Variants in WDR72 observed in about 807,000 individuals in gnomAD.
WDR72 encodes WD repeat-containing protein 72.
A neutral mutation model predicts 124.2 loss-of-function variants in WDR72; 120 were observed. The observed-to-expected ratio is 0.97, with a 90% CI of 0.83 to 1.12. The LOEUF (loss-of-function observed/expected upper bound fraction) is 1.12. Ranked by LOEUF, WDR72 falls within the 50% of genes most tolerant of loss-of-function variation. The probability of loss-of-function intolerance (pLI) is 0.00; values close to 1 mark genes in which losing one functional copy is unlikely to be tolerated. For synonymous variants in WDR72, 452 were observed against 441.7 expected (o/e 1.02, Z -0.29); for missense variants, 1,387 against 1,278.8 (o/e 1.08, Z -1.29).
intron 9 of WDR72, 103 bp downstream of exon 9, chr15:53,710,754 T>A: frequency 1.1e-6 from 1 of 930,674 alleles, no homozygotes. Context: ...ATGGGATGCT[T>A]CAATTCAATT....
chr15:53,548,184 C>G (rs1350170884), intron 18 of WDR72, among the ~76,000 whole-genome samples: 4 of 152,204 alleles, frequency 2.6e-5, no homozygotes, highest in East Asian at 1.9e-4. Flanking sequence ...CATCTTCTAC[C>G]TAAATCATCT....
chr15:53,677,403 C>T (rs2016212520), intron 13 of WDR72, among the ~76,000 whole-genome samples: 1 of 152,106 alleles, frequency 6.6e-6, no homozygotes, highest in South Asian at 2.1e-4. Context: ...TATGCCACAT[C>T]AAAAAATTCC....
intron 18 of WDR72, among the ~76,000 whole-genome samples, chr15:53,524,707 G>A (rs1555403832): frequency 6.6e-6 from 1 of 152,098 alleles, no homozygotes; most frequent in Non-Finnish European, 1.5e-5. Context: ...TTCTATCAAA[G>A]TGCCAGCATA....
chr15:53,582,373 A>T (rs1163855029), intron 18 of WDR72, among the ~76,000 whole-genome samples: 1 of 151,912 alleles, frequency 6.6e-6, no homozygotes, highest in Non-Finnish European at 1.5e-5. Flanking sequence ...CTGCTTTCTT[A>T]AGCTATATCA....
intron 1 of WDR72, among the ~76,000 whole-genome samples, chr15:53,741,918 G>A (rs1230618494): frequency 6.6e-6 from 1 of 152,036 alleles, no homozygotes; most frequent in Non-Finnish European, 1.5e-5. Context: ...AGTACAGATC[G>A]GGTTTCACCA....
chr15:53,677,134 A>C (rs1185385757), intron 13 of WDR72, among the ~76,000 whole-genome samples: 2 of 151,978 alleles, frequency 1.3e-5, no homozygotes, highest in Non-Finnish European at 2.9e-5. Context: ...GTTAGCCAGG[A>C]TGGTCTCAAT....
rs1595722654 is a variant in WDR72 at position 53,519,808 on chromosome 15, C to T, written c.3254-2054G>A. On this transcript the variant is annotated intron_variant, in intron 19 of 19. Coordinates refer to ENST00000360509, the MANE Select transcript of WDR72 (RefSeq NM_182758.4). Reference sequence around the variant, plus strand: ...CCAGGTGAACAATCACTCCACAAGCCATCTAAATTGTGACCTATATGCAGA... The same window carrying T: ...CCAGGTGAACAATCACTCCACAAGCTATCTAAATTGTGACCTATATGCAGA... Among the ~76,000 whole-genome samples the T allele has an allele frequency of 2.6e-5, 4 of 152,012 alleles. No homozygotes were observed. In the East Asian group the frequency reaches 7.7e-4, roughly 29 times the overall value.
chr15:53,660,610 A>G lies in WDR72; in HGVS notation c.1962+4962T>C, dbSNP rs190653924. 3.4e-4 allele frequency among the ~76,000 whole-genome samples: 52 copies of G among 152,330 alleles called. No individual in the cohort carries two copies. In the Middle Eastern group the frequency reaches 0.014, roughly 40 times the overall value. On this transcript the variant is annotated intron_variant, in intron 14 of 19. Coordinates refer to ENST00000360509, the MANE Select transcript of WDR72 (RefSeq NM_182758.4). ...AAAATATATATAACCATATGTCTAG[A>G]AAGCTCAACTAAAATGTAAATAATG...
chr15:53,629,209 AGAGT>A (rs1471043219), intron 14 of WDR72, among the ~76,000 whole-genome samples: 31 of 133,572 alleles, frequency 2.3e-4, no homozygotes, highest in African/African-American at 1.2e-3. Context: ...AGAGAGAGAG[AGAGT>A]GAGAGAGAGA....
rs1181567817 is a variant in WDR72, at chr15:53,669,009, GAAGGAGAAAAGAAGAAGGGAGGAA to G, written c.1766-3265_1766-3242del. Among the ~76,000 whole-genome samples, 137 of 136,830 alleles carry G rather than the reference GAAGGAGAAAAGAAGAAGGGAGGAA, an allele frequency of 1.0e-3. 3 individuals are homozygous for G. Among genetic ancestry groups the G allele is most frequent in the South Asian group, 2.2e-3 (8 of 3,698 alleles). 89.8% of individuals were successfully genotyped at this position (136,830 alleles called of 152,430 possible). On this transcript the variant is annotated intron_variant, in intron 13 of 19. Coordinates refer to ENST00000360509, the MANE Select transcript of WDR72 (RefSeq NM_182758.4). ...AGAAGGAGGAGGAGAAGGAGAAGGA[GAAGGAGAAAAGAAGAAGGGAGGAA>G]GGGAAAGAAGGGGAAGGGGAGGGGA...
intron 14 of WDR72, among the ~76,000 whole-genome samples, chr15:53,651,687 C>T (rs2015245926): frequency 2.0e-5 from 3 of 152,172 alleles, no homozygotes; most frequent in Non-Finnish European, 4.4e-5. Flanking sequence ...GAATCTTGCT[C>T]TATTGCTCAG....
At chr15:53,596,331 A>G (rs1035034700) in intron 18 of WDR72, among the ~76,000 whole-genome samples, 59 of 152,108 alleles carry the variant, frequency 3.9e-4, no homozygotes, top group Admixed American at 3.9e-3. Context: ...TTTTTAAGTA[A>G]CAGCTAACAT....
chr15:53,755,304 T>C (rs967090655), intron 1 of WDR72, among the ~76,000 whole-genome samples: 1 of 152,364 alleles, frequency 6.6e-6, no homozygotes, highest in East Asian at 1.9e-4. Context: ...GAGAAATAAT[T>C]ATCTGTGCTC....
rs185484382 is a variant in WDR72, at chr15:53,701,500, C to T, written c.1569+634G>A. 4.2e-3 allele frequency among the ~76,000 whole-genome samples: 628 copies of T among 150,788 alleles called. 4 individuals are homozygous for T. The highest frequency in any genetic ancestry group is 4.6e-3 in the Non-Finnish European group (309 of 67,738). On this transcript the variant is annotated intron_variant, in intron 12 of 19. Transcript: ENST00000360509. The stretch of plus-strand genomic sequence containing the variant: ...AGGCTGCAGTGAGCCATGATCACGC[C>T]ACTGTACTCCAGCCTGGATGACAAA...
intron 14 of WDR72, among the ~76,000 whole-genome samples, chr15:53,632,064 A>G (rs1483221366): frequency 6.6e-6 from 1 of 152,162 alleles, no homozygotes; most frequent in East Asian, 1.9e-4. Flanking sequence ...AGTACTAATA[A>G]CCAAGACAAT....
At chr15:53,722,436 C>G (rs1198588704) in intron 3 of WDR72, among the ~76,000 whole-genome samples, 1 of 152,144 alleles carries the variant, frequency 6.6e-6, no homozygotes, top group Non-Finnish European at 1.5e-5. Context: ...TGCTTAAGAG[C>G]TCAAAGTGTG....
intron 14 of WDR72, among the ~76,000 whole-genome samples, chr15:53,639,558 A>AAAATTATATATAATTTTATTTATTTATG (rs2014767003): frequency 6.8e-6 from 1 of 147,482 alleles, no homozygotes. Context: ...ATTTATTTAT[A>AAAATTATATATAATTTTATTTATTTATG]AAATTATATA....
chr15:53,588,953 A>G (rs1370910596), intron 18 of WDR72, among the ~76,000 whole-genome samples: 1 of 151,852 alleles, frequency 6.6e-6, no homozygotes, highest in Non-Finnish European at 1.5e-5. Flanking sequence ...CCAGAAGTCC[A>G]TAGGGAGGTG....
At chr15:53,685,502 G>C (rs904557859) in intron 13 of WDR72, among the ~76,000 whole-genome samples, 26 of 140,288 alleles carry the variant, frequency 1.9e-4, no homozygotes, top group Admixed American at 1.6e-3. Context: ...GAGAAGGGAA[G>C]TTTAGAGAAA....
Sources: allele counts gnomAD v4.1 joint callset (sites outside exome capture counted in the v4.1 genomes callset), GRCh38; gene constraint gnomAD v4.1.1; transcripts MANE v1.5; gene names NCBI Gene and HGNC (gene_info 2026-07-23, HGNC 2026-07-21).